The following IL17RB variants were observed in gnomAD, a reference collection of about 807,000 sequenced individuals.
IL17RB encodes the protein interleukin 17 receptor B, also known as interleukin-17 receptor B.
In IL17RB, 36 loss-of-function variants were observed where a neutral mutation model predicts 43.9. The ratio of observed to expected loss-of-function variants is 0.82; its 90% CI spans 0.63 to 1.08. The LOEUF is 1.08. Ranked by LOEUF, IL17RB falls within the 50% of genes least tolerant of loss-of-function variation. The pLI, the probability that IL17RB is intolerant of heterozygous loss-of-function variation, is 0.00. For missense variants in IL17RB, 613 were observed against 613.6 expected (o/e 1.00, Z 0.01); for synonymous variants, 225 against 225.4 (o/e 1.00, Z 0.02).
At chr3:53,856,601 A>G (rs996867393) in intron 6 of IL17RB, among the ~76,000 whole-genome samples, 2 of 152,160 alleles carry the variant, frequency 1.3e-5, no homozygotes, top group African/African-American at 4.8e-5. Context: ...CGTGCCTCCC[A>G]CCATACTCAG....
At chr3:53,851,960 G>A in intron 3 of IL17RB, 39 bp from the exon 4 acceptor site, 4 of 1,613,152 alleles carry the variant, frequency 2.5e-6, no homozygotes, top group South Asian at 1.1e-5. Context: ...CACACAGCAA[G>A]TGCTAAATAA....
At chr3:53,852,500 A>G (rs1377035977) in intron 4 of IL17RB, among the ~76,000 whole-genome samples, 1 of 152,196 alleles carries the variant, frequency 6.6e-6, no homozygotes, top group East Asian at 1.9e-4. Context: ...GGGAGCATGG[A>G]TGATGTGCTG....
chr3:53,864,507 C>A (rs1273545979), intron 10 of IL17RB, among the ~76,000 whole-genome samples: 1 of 152,026 alleles, frequency 6.6e-6, no homozygotes, highest in African/African-American at 2.4e-5. Flanking sequence ...TGCACTCCAG[C>A]CTGGGCGACA....
rs759159726 is a variant in IL17RB at position 53,855,332 on chromosome 3, G to T, written c.520G>T (p.Val174Phe). The change falls in exon 6 of 11, where the codon GTC becomes TTC. Residue 174 changes from valine (V) to phenylalanine (F), a missense_variant. Coordinates refer to ENST00000288167, the MANE Select transcript of IL17RB (RefSeq NM_018725.4). ...CATAATGAAATATAAAAAAAAGTGTGTCAAGGCCGGTAAGTAAATACGGCA... is the reference window on the plus strand; with the variant it reads ...CATAATGAAATATAAAAAAAAGTGTTTCAAGGCCGGTAAGTAAATACGGCA... ...DHIMKYKKKC[V>F]KAGSLWDPNI... The T allele has an allele frequency of 3.1e-6, 5 of 1,604,290 alleles. No homozygotes were observed. The highest frequency in any genetic ancestry group is 2.7e-5 in the African/African-American group (2 of 74,682).
Position 53,856,866 on chromosome 3 carries a change from C to A in IL17RB, c.552C>A (p.Ile184=). 6.2e-7 allele frequency: 1 copy of A among 1,614,146 alleles called. No homozygotes were observed. The highest frequency in any genetic ancestry group is 8.5e-7 in the Non-Finnish European group (1 of 1,180,008). The part of the protein sequence containing the change: ...VKAGSLWDPN[I]TACKKNEETV... ...CAGGAAGCCTGTGGGATCCGAACAT[C>A]ACTGCTTGTAAGAAGAATGAGGAGA... Residue 184 remains isoleucine (I), a synonymous_variant, in exon 7 of 11, where the codon ATC becomes ATA. Coordinates refer to ENST00000288167, the MANE Select transcript of IL17RB (RefSeq NM_018725.4).
At chr3:53,848,606 A>G (rs1189610201) in intron 1 of IL17RB, 58 bp from the exon 2 acceptor site, 2 of 1,575,552 alleles carry the variant, frequency 1.3e-6, no homozygotes, top group Non-Finnish European at 1.7e-6. Context: ...TAATTTGGCA[A>G]AGGAAAGCTT....
chr3:53,860,385 C>G (rs6766099), intron 10 of IL17RB, 157 bp downstream of exon 10: 30 of 500,828 alleles, frequency 6.0e-5, no homozygotes, highest in Non-Finnish European at 1.1e-4. Context: ...GAGACTGATA[C>G]GAGCATGACT....
intron 10 of IL17RB, among the ~76,000 whole-genome samples, chr3:53,862,475 G>A (rs997882429): frequency 6.6e-6 from 1 of 152,212 alleles, no homozygotes; most frequent in African/African-American, 2.4e-5. Context: ...CAGATGATGT[G>A]CATGACTTCA....
At chr3:53,850,967 T>C (rs1699123344) in intron 3 of IL17RB, among the ~76,000 whole-genome samples, 1 of 152,178 alleles carries the variant, frequency 6.6e-6, no homozygotes, top group Non-Finnish European at 1.5e-5. Flanking sequence ...TGTGTACTTT[T>C]CTGTGTATGT....
chr3:53,863,838 T>G (rs1426186150), intron 10 of IL17RB, among the ~76,000 whole-genome samples: 1 of 126,904 alleles, frequency 7.9e-6, no homozygotes, highest in African/African-American at 3.1e-5. Context: ...TTTTTTTTTT[T>G]TTGAGACAGG....
Position 53,860,188 on chromosome 3 carries a change from A to G in IL17RB, c.906A>G (p.Thr302=), listed in dbSNP as rs1457833958. 21 of 1,613,866 alleles carry G rather than the reference A, an allele frequency of 1.3e-5. No individual in the cohort carries two copies. The highest frequency in any genetic ancestry group is 1.6e-5 in the Non-Finnish European group (19 of 1,179,892). ...PLLLLSLLVA[T]WVLVAGIYLM... ...TCCTGCTGTCTCTGCTGGTGGCCAC[A>G]TGGGTGCTGGTGGCAGGGATCTATC... Residue 302 remains threonine, a synonymous_variant, in exon 10 of 11, where the codon ACA becomes ACG. Coordinates refer to ENST00000288167, the MANE Select transcript of IL17RB (RefSeq NM_018725.4).
At chr3:53,858,297 G>A (rs535278498) in intron 8 of IL17RB, 1,395 of 994,328 alleles carry the variant, frequency 1.4e-3, no homozygotes, top group Non-Finnish European at 1.6e-3. Flanking sequence ...ACCAGCCAGG[G>A]TATGATGGCT....
rs1260894329 is a variant in IL17RB at position 53,852,152 on chromosome 3, T to C, written c.354+26T>C. 2.5e-6 allele frequency: 4 copies of C among 1,611,044 alleles called. No homozygotes were observed. The South Asian group carries it at 3.3e-5, about 13-fold the overall frequency. On this transcript the variant is annotated intron_variant, in intron 4 of 10. Transcript: ENST00000288167. The stretch of plus-strand genomic sequence containing the variant: ...GTAAGCACTTTTTTGTTTTTTGTTT[T>C]GTTTTTTGAGATAGCATCTTGTTCT...
chr3:53,858,862 A>G (rs1699452489), intron 9 of IL17RB, 44 bp downstream of exon 9: 1 of 1,448,858 alleles, frequency 6.9e-7, no homozygotes, highest in African/African-American at 1.4e-5. Context: ...AGTGGCTCAC[A>G]CACAGTCACT....
chr3:53,857,582 GC>G, intron 7 of IL17RB, 33 bp from the exon 8 acceptor site: 1 of 1,598,348 alleles, frequency 6.3e-7, no homozygotes. Flanking sequence ...AGTGCACCTG[GC>G]ACCTCATAAT....
chr3:53,855,417 G>A (rs996407927), intron 6 of IL17RB, 76 bp downstream of exon 6: 25 of 1,053,182 alleles, frequency 2.4e-5, no homozygotes, highest in Middle Eastern at 2.0e-4. Context: ...CTTCATCTTT[G>A]CACAGAAGAA....
rs145676276 is a variant in IL17RB at position 53,859,685 on chromosome 3, G to A, written c.848-445G>A. On this transcript the variant is annotated intron_variant, in intron 9 of 10. Transcript: ENST00000288167. ...CCCTAGTTCCTACTGTGAAAATGCC[G>A]GTGCATATCAGGACAAAGAAGCCAA... is the stretch of plus-strand genomic sequence containing the variant. The A allele has an allele frequency of 2.1e-3, 316 of 153,790 alleles. 2 individuals carry two copies. Among genetic ancestry groups the A allele is most frequent in the East Asian group, 0.011 (58 of 5,224 alleles). 9.5% of individuals were successfully genotyped at this position (153,790 alleles called of 1,614,324 possible). A position where few individuals can be genotyped will look rare whatever the true frequency, so the allele number is the denominator to read the frequency against.
intron 1 of IL17RB, among the ~76,000 whole-genome samples, chr3:53,847,645 G>A (rs934932027): frequency 1.1e-4 from 17 of 151,674 alleles, no homozygotes; most frequent in Non-Finnish European, 2.4e-4. Context: ...AATACAAAAA[G>A]TAGCCGGGCA....
In IL17RB at chr3:53,858,743, GGCA is replaced by G; in HGVS notation, c.775_777del (p.Ser259del). 1 of 1,614,080 alleles carries G rather than the reference GGCA, an allele frequency of 6.2e-7. No homozygotes were observed. Among genetic ancestry groups the G allele is most frequent in the Non-Finnish European group, 8.5e-7 (1 of 1,179,996 alleles). The stretch of plus-strand genomic sequence containing the variant: ...GCTGACTCCATATTTTCCTACTTGT[GGCA>G]GCGACTGCATCCGACATAAAGGAAC... On this transcript the variant is annotated inframe_deletion, in exon 9 of 11. Coordinates refer to ENST00000288167, the MANE Select transcript of IL17RB (RefSeq NM_018725.4).
Sources: gnomAD v4.1 joint callset for allele counts (sites outside exome capture counted in the v4.1 genomes callset) on GRCh38, gnomAD v4.1.1 for gene constraint, MANE v1.5 for transcripts, NCBI Gene and HGNC (gene_info 2026-07-23, HGNC 2026-07-21) for gene names.